The following SRGAP2 variants were observed in gnomAD, a reference collection of about 807,000 sequenced individuals.
SRGAP2 encodes the protein SLIT-ROBO Rho GTPase-activating protein 2.
SRGAP2 carries 15 observed loss-of-function variants against 57.2 expected under a neutral mutation model. That is an observed-to-expected ratio of 0.26 (90% CI 0.18 to 0.40). The LOEUF is 0.40. SRGAP2 is among the 10% of genes least tolerant of loss of function. SRGAP2 has a pLI of 1.00. For synonymous variants in SRGAP2, 249 were observed against 248.0 expected, an observed-to-expected ratio of 1.00 and a Z score of -0.04; for missense variants, 520 against 669.6, an observed-to-expected ratio of 0.78 and a Z score of 2.47.
intron 11 of SRGAP2, among the ~76,000 whole-genome samples, chr1:206,418,100 T>C (rs1175977665): frequency 6.7e-6 from 1 of 149,360 alleles, no homozygotes; most frequent in Non-Finnish European, 1.5e-5. Context: ...GTTCTAGCAA[T>C]AAAGAAAAAA....
intron 2 of SRGAP2, among the ~76,000 whole-genome samples, chr1:206,266,868 A>G (rs1553314644): frequency 6.8e-6 from 1 of 147,778 alleles, no homozygotes; most frequent in Non-Finnish European, 1.5e-5. Flanking sequence ...GAACAAGGAA[A>G]TTCGAGAGTG....
At position 206,449,396 on chromosome 1, in the gene SRGAP2, A is replaced by G. The variant is rs574414661; in HGVS notation, c.2100-990A>G. Among the ~76,000 whole-genome samples the G allele has an allele frequency of 7.4e-5, 11 of 148,694 alleles. No homozygotes were observed. The East Asian group carries it at 1.6e-3, about 21-fold the overall frequency. On this transcript the variant is annotated intron_variant, in intron 18 of 22. Transcript: ENST00000573034. ...AGCCTCGACTTCCCAGGCTTAACCAATCCTCCCACCTCAGCCTCCAGAGTA... is the reference window on the plus strand; with the variant it reads ...AGCCTCGACTTCCCAGGCTTAACCAGTCCTCCCACCTCAGCCTCCAGAGTA...
chr1:206,439,437 G>T (rs782783961), intron 16 of SRGAP2, among the ~76,000 whole-genome samples: 1 of 152,036 alleles, frequency 6.6e-6, no homozygotes, highest in Non-Finnish European at 1.5e-5. Flanking sequence ...GGATGAGATG[G>T]CATGTGTGGA....
intron 2 of SRGAP2, among the ~76,000 whole-genome samples, chr1:206,240,265 CAAA>C (rs72152960): frequency 8.3e-5 from 7 of 84,092 alleles, no homozygotes; most frequent in Admixed American, 1.3e-4. Context: ...GACAACGTCT[CAAA>C]AAAAAAAAAA....
Position 206,357,614 on chromosome 1 carries a change from G to A in SRGAP2, c.423+14606G>A, listed in dbSNP as rs1462737779. ...TTTTTTTTTTTTTTTTGGAGATGGA[G>A]TTTCTTTTTTTCAGGCTGAAGTACA... On this transcript the variant is annotated intron_variant, in intron 4 of 22. Transcript: ENST00000573034. Among the ~76,000 whole-genome samples the A allele has an allele frequency of 2.2e-5, 3 of 135,734 alleles. No individual in the cohort carries two copies. The East Asian group carries it at 6.4e-4, about 29-fold the overall frequency. 89.0% of individuals were successfully genotyped at this position (135,734 alleles called of 152,430 possible).
chr1:206,430,585 C>T (rs1553368027), intron 14 of SRGAP2, among the ~76,000 whole-genome samples: 1 of 152,202 alleles, frequency 6.6e-6, no homozygotes, highest in Non-Finnish European at 1.5e-5. Flanking sequence ...TACAGCCTGA[C>T]CATTTTGTCA....
At chr1:206,268,096 T>A (rs1329661966) in intron 2 of SRGAP2, among the ~76,000 whole-genome samples, 43 of 150,462 alleles carry the variant, frequency 2.9e-4, no homozygotes, top group African/African-American at 6.3e-4. Flanking sequence ...TTTTTTTTTT[T>A]AAATTATACT....
intron 13 of SRGAP2, among the ~76,000 whole-genome samples, chr1:206,422,215 C>T (rs1382354174): frequency 3.3e-5 from 5 of 152,166 alleles, no homozygotes; most frequent in African/African-American, 7.2e-5. Context: ...TCGGCAGCAC[C>T]GGCATTTCTT....
intron 4 of SRGAP2, among the ~76,000 whole-genome samples, chr1:206,369,495 T>C (rs1473451289): frequency 1.1e-4 from 17 of 152,118 alleles, no homozygotes; most frequent in African/African-American, 3.9e-4. Context: ...TATTTTCAAA[T>C]CATATATCTC....
intron 5 of SRGAP2, among the ~76,000 whole-genome samples, chr1:206,385,954 T>C (rs1656201237): frequency 6.6e-6 from 1 of 152,168 alleles, no homozygotes; most frequent in East Asian, 1.9e-4. Context: ...AATGTGATGT[T>C]TTCCTCTAGT....
At chr1:206,457,392 A>C (rs897745376) in intron 21 of SRGAP2, among the ~76,000 whole-genome samples, 1 of 152,222 alleles carries the variant, frequency 6.6e-6, no homozygotes, top group Non-Finnish European at 1.5e-5. Context: ...GACAGGTAGC[A>C]TCAGATGCTC....
intron 20 of SRGAP2, chr1:206,453,751 G>T (rs914845612): frequency 3.5e-5 from 9 of 253,894 alleles, no homozygotes; most frequent in African/African-American, 6.7e-5. Flanking sequence ...AAACATTTTT[G>T]TTACTCTCTT....
chr1:206,455,490 T>G (rs1663754553), intron 21 of SRGAP2: 1 of 190,036 alleles, frequency 5.3e-6, no homozygotes, highest in South Asian at 8.8e-5. Context: ...TAGGCTGATG[T>G]TACACCAGGT....
chr1:206,273,223 C>T (rs1434914265), intron 2 of SRGAP2, among the ~76,000 whole-genome samples: 1 of 151,510 alleles, frequency 6.6e-6, no homozygotes, highest in Non-Finnish European at 1.5e-5. Context: ...GTTTTGAAGC[C>T]CTGAAGAATG....
intron 2 of SRGAP2, chr1:206,207,705 C>T (rs1217566551): frequency 7.9e-6 from 1 of 126,588 alleles, no homozygotes. Context: ...TCCCAGATTT[C>T]TCTCCAGAAG....
chr1:206,455,100 T>C, intron 21 of SRGAP2, 76 bp downstream of exon 21: 1 of 775,796 alleles, frequency 1.3e-6, no homozygotes. Flanking sequence ...CTAACCCCCA[T>C]CTCCATTCCT....
At chr1:206,434,080 G>C (rs1357170053) in intron 14 of SRGAP2, among the ~76,000 whole-genome samples, 1 of 152,166 alleles carries the variant, frequency 6.6e-6, no homozygotes, top group Non-Finnish European at 1.5e-5. Context: ...AATGAGGATA[G>C]AGCTCATAAC....
rs1553375503 is a variant in SRGAP2, at chr1:206,450,472, G to A, written c.2179+7G>A. The A allele has an allele frequency of 1.3e-6, 1 of 780,736 alleles. No individual in the cohort carries two copies. Among genetic ancestry groups the A allele is most frequent in the East Asian group, 2.4e-5 (1 of 41,238 alleles). 48.4% of individuals were successfully genotyped at this position (780,736 alleles called of 1,614,324 possible). A position where few individuals can be genotyped will look rare whatever the true frequency, so the allele number is the denominator to read the frequency against. On this transcript the variant is annotated splice_region_variant and intron_variant, in intron 19 of 22. Coordinates refer to ENST00000573034, the MANE Select transcript of SRGAP2 (RefSeq NM_015326.5). ...CACCACACGAGCGATGACGGTACGA[G>A]GCCCTGCTTCCTGGTCAGTGGGGAC... is the stretch of plus-strand genomic sequence containing the variant.
intron 4 of SRGAP2, among the ~76,000 whole-genome samples, chr1:206,345,653 A>AT (rs1337624185): frequency 6.7e-6 from 1 of 148,980 alleles, no homozygotes; most frequent in Non-Finnish European, 1.5e-5. Flanking sequence ...TTAGCTGAGC[A>AT]TGGTGGCCTG....
Sources: allele counts gnomAD v4.1 joint callset (sites outside exome capture counted in the v4.1 genomes callset), GRCh38; gene constraint gnomAD v4.1.1; transcripts MANE v1.5; gene names NCBI Gene and HGNC (gene_info 2026-07-23, HGNC 2026-07-21).